BABAM2: variants seen among roughly 807,000 people sequenced by gnomAD.
BABAM2 encodes BRISC and BRCA1-A complex member 2.
Under a neutral mutation model 54.7 loss-of-function variants are expected in BABAM2, and 31 were observed. That is an observed-to-expected ratio of 0.57 (90% CI 0.43 to 0.77). The LOEUF is 0.77. BABAM2 is among the 30% of genes least tolerant of loss of function. BABAM2 has a pLI of 0.00. For synonymous variants in BABAM2, 167 were observed against 162.9 expected (o/e 1.03, Z -0.19); for missense variants, 364 against 455.8 (o/e 0.80, Z 1.83).
intron 7 of BABAM2, among the ~76,000 whole-genome samples, chr2:28,173,845 T>C (rs1014985210): frequency 2.6e-5 from 4 of 152,208 alleles, no homozygotes; most frequent in Non-Finnish European, 4.4e-5. Flanking sequence ...CATTCAATAG[T>C]ACAGGTTGGT....
intron 6 of BABAM2, among the ~76,000 whole-genome samples, chr2:28,079,829 A>G (rs1217603361): frequency 6.6e-6 from 1 of 152,158 alleles, no homozygotes; most frequent in Non-Finnish European, 1.5e-5. Flanking sequence ...GTTAGGGTTT[A>G]CGTTTTCACA....
chr2:27,908,324 T>G (rs1464580063), intron 2 of BABAM2, among the ~76,000 whole-genome samples: 1 of 152,066 alleles, frequency 6.6e-6, no homozygotes, highest in Non-Finnish European at 1.5e-5. Context: ...CAGTTTGGAG[T>G]GCAGTGATAT....
intron 6 of BABAM2, among the ~76,000 whole-genome samples, chr2:28,127,809 T>TTC (rs1669688925): frequency 1.2e-5 from 1 of 82,904 alleles, no homozygotes; most frequent in African/African-American, 4.2e-5. Context: ...GTAGTGAGTC[T>TTC]TTTTTTTTTT....
At chr2:28,072,962 A>G (rs553711964) in intron 6 of BABAM2, among the ~76,000 whole-genome samples, 1 of 152,322 alleles carries the variant, frequency 6.6e-6, no homozygotes, top group South Asian at 2.1e-4. Flanking sequence ...TTTGAAACAA[A>G]TTCCATACAT....
intron 2 of BABAM2, among the ~76,000 whole-genome samples, chr2:27,916,297 A>G (rs1666963243): frequency 6.6e-6 from 1 of 152,226 alleles, no homozygotes; most frequent in Admixed American, 6.5e-5. Flanking sequence ...GTTTACAGGA[A>G]TATTTTCATT....
intron 7 of BABAM2, chr2:28,134,727 G>A (rs529774554): frequency 1.3e-5 from 2 of 152,310 alleles, no homozygotes; most frequent in Admixed American, 1.3e-4. Flanking sequence ...ATGCATGTTT[G>A]TTCTTTCAGG....
In BABAM2 at chr2:28,026,958, A is replaced by AT. The variant is rs1675879423; in HGVS notation, c.495+1538_495+1539insT. On this transcript the variant is annotated intron_variant, in intron 5 of 11. Transcript: ENST00000379624. ...TATATAAATATATATTAATATATATAAATATATATATAAATATATAAATAT... is the reference window on the plus strand; with the variant it reads ...TATATAAATATATATTAATATATATATAATATATATATAAATATATAAATAT... 2.4e-3 allele frequency among the ~76,000 whole-genome samples: 12 copies of AT among 4,966 alleles called. 1 individual carries two copies. Among genetic ancestry groups the AT allele is most frequent in the South Asian group, 0.024 (1 of 42 alleles). 3.3% of individuals were successfully genotyped at this position (4,966 alleles called of 152,430 possible).
rs570056037 is a variant in BABAM2 at position 27,900,972 on chromosome 2, G to A, written c.128+6288G>A. On this transcript the variant is annotated intron_variant, in intron 2 of 11. Coordinates refer to ENST00000379624, the MANE Select transcript of BABAM2 (RefSeq NM_199191.3). ...GCAGGAGAATGGCGTGAACCCGGGA[G>A]GTGGAGCTTGCAGTGAGCCGAGATT... Among the ~76,000 whole-genome samples the A allele has an allele frequency of 2.1e-4, 31 of 150,366 alleles. No homozygotes were observed. The South Asian group carries it at 4.0e-3, about 19-fold the overall frequency.
At chr2:28,200,004 T>C (rs1000348745) in intron 7 of BABAM2, among the ~76,000 whole-genome samples, 2 of 152,226 alleles carry the variant, frequency 1.3e-5, no homozygotes, top group African/African-American at 4.8e-5. Flanking sequence ...CAGTTAGCAC[T>C]TGTATCTTTT....
At chr2:28,211,954 T>C (rs1344182833) in intron 7 of BABAM2, among the ~76,000 whole-genome samples, 1 of 152,196 alleles carries the variant, frequency 6.6e-6, no homozygotes, top group African/African-American at 2.4e-5. Flanking sequence ...AAATCAGGAT[T>C]CAAATAGTCT....
At chr2:28,226,541 G>A (rs542022156) in intron 7 of BABAM2, among the ~76,000 whole-genome samples, 1 of 152,128 alleles carries the variant, frequency 6.6e-6, no homozygotes, top group Non-Finnish European at 1.5e-5. Context: ...GGAGTCATGG[G>A]GGGAGATGAT....
intron 7 of BABAM2, among the ~76,000 whole-genome samples, chr2:28,214,259 G>A (rs921493396): frequency 6.6e-6 from 1 of 152,096 alleles, no homozygotes; most frequent in Admixed American, 6.6e-5. Flanking sequence ...ATACAGAACT[G>A]TTCTATCACC....
intron 3 of BABAM2, among the ~76,000 whole-genome samples, chr2:27,949,427 G>T (rs910243623): frequency 6.6e-6 from 1 of 152,028 alleles, no homozygotes; most frequent in Non-Finnish European, 1.5e-5. Context: ...CCAGGTACTT[G>T]GGAGGCCGAG....
chr2:27,950,946 A>C (rs182525918), intron 3 of BABAM2, among the ~76,000 whole-genome samples: 109 of 152,098 alleles, frequency 7.2e-4, no homozygotes, highest in Non-Finnish European at 1.2e-3. Context: ...GTTTTTCATA[A>C]ATTTTTTTTA....
intron 3 of BABAM2, among the ~76,000 whole-genome samples, chr2:27,950,387 T>G (rs1669620906): frequency 6.6e-6 from 1 of 152,220 alleles, no homozygotes; most frequent in African/African-American, 2.4e-5. Flanking sequence ...TGGCAGATAC[T>G]TATCTTCATC....
intron 5 of BABAM2, among the ~76,000 whole-genome samples, chr2:28,026,274 C>T (rs1006953032): frequency 3.9e-5 from 6 of 152,136 alleles, no homozygotes; most frequent in African/African-American, 1.4e-4. Context: ...TATAAAGACA[C>T]ATGTACACGT....
At chr2:28,262,975 G>A (rs1055391466) in intron 10 of BABAM2, among the ~76,000 whole-genome samples, 4 of 152,120 alleles carry the variant, frequency 2.6e-5, no homozygotes, top group Admixed American at 2.6e-4. Context: ...AGGATGTACT[G>A]AAAGAGGCTT....
intron 5 of BABAM2, among the ~76,000 whole-genome samples, chr2:28,042,011 A>C (rs558931845): frequency 1.5e-3 from 232 of 152,306 alleles, no homozygotes; most frequent in African/African-American, 5.4e-3. Flanking sequence ...AGAGTCCAAA[A>C]GTCAATATTT....
chr2:28,098,888 A>C (rs927352221), intron 6 of BABAM2, among the ~76,000 whole-genome samples: 1 of 152,246 alleles, frequency 6.6e-6, no homozygotes, highest in Non-Finnish European at 1.5e-5. Context: ...GTGAAAGTGG[A>C]GGTAAATGCA....
Sources: allele counts gnomAD v4.1 joint callset (sites outside exome capture counted in the v4.1 genomes callset), GRCh38; gene constraint gnomAD v4.1.1; transcripts MANE v1.5; gene names NCBI Gene and HGNC (gene_info 2026-07-23, HGNC 2026-07-21).